SCFD2: variants seen among roughly 807,000 people sequenced by gnomAD.
SCFD2 encodes sec1 family domain containing 2, also known as sec1 family domain-containing protein 2.
Under a neutral mutation model 58.9 loss-of-function variants are expected in SCFD2, and 54 were observed. The ratio of observed to expected loss-of-function variants is 0.92; its 90% confidence interval spans 0.74 to 1.15. The LOEUF (loss-of-function observed/expected upper bound fraction) is 1.15. Among genes scored for constraint, SCFD2 ranks in the 50% most tolerant of loss-of-function variants. SCFD2 has a pLI of 0.00. For synonymous variants in SCFD2, 321 were observed against 335.9 expected, an observed-to-expected ratio of 0.96 and a Z score of 0.49; for missense variants, 805 against 836.6, an observed-to-expected ratio of 0.96 and a Z score of 0.47.
intron 4 of SCFD2, among the ~76,000 whole-genome samples, chr4:53,271,061 G>A (rs4864453): frequency 0.12 from 17,800 of 151,638 alleles, 1,181 homozygotes; most frequent in East Asian, 0.22. Flanking sequence ...TTGCCTTGAT[G>A]GAAAAAATAC....
rs191830213 is a variant in SCFD2 at position 53,117,180 on chromosome 4, C to T, written c.1561+28153G>A. Among the ~76,000 whole-genome samples, 7 of 152,276 alleles carry T rather than the reference C, an allele frequency of 4.6e-5. No homozygotes were observed. In the East Asian group the frequency reaches 1.4e-3, roughly 29 times the overall value. Reference sequence around the variant, plus strand: ...TCCTATCAAGCTGCTGTGCCCCACCCCAGGAGAGCTGAACACAGGAGTAGC... The same window carrying T: ...TCCTATCAAGCTGCTGTGCCCCACCTCAGGAGAGCTGAACACAGGAGTAGC... On this transcript the variant is annotated intron_variant, in intron 5 of 8. Coordinates refer to ENST00000401642, the MANE Select transcript of SCFD2 (RefSeq NM_152540.4).
At chr4:53,333,475 A>T (rs1194247589) in intron 2 of SCFD2, among the ~76,000 whole-genome samples, 1 of 148,012 alleles carries the variant, frequency 6.8e-6, no homozygotes, top group Non-Finnish European at 1.5e-5. Flanking sequence ...TCTTTGACAA[A>T]CCTGAGAAAA....
chr4:53,178,894 G>C (rs1414935728), intron 4 of SCFD2, among the ~76,000 whole-genome samples: 5 of 152,182 alleles, frequency 3.3e-5, no homozygotes, highest in Non-Finnish European at 7.3e-5. Context: ...GGAAGACAGG[G>C]TATCAGTGAT....
At chr4:53,178,275 C>T (rs1428490101) in intron 4 of SCFD2, among the ~76,000 whole-genome samples, 1 of 152,206 alleles carries the variant, frequency 6.6e-6, no homozygotes, top group Non-Finnish European at 1.5e-5. Context: ...ACACCTCACA[C>T]AGCCGGGTAC....
At chr4:53,351,041 T>A (rs1734204210) in intron 2 of SCFD2, among the ~76,000 whole-genome samples, 1 of 152,228 alleles carries the variant, frequency 6.6e-6, no homozygotes, top group South Asian at 2.1e-4. Flanking sequence ...CATTTCTAGC[T>A]CTACCTCCCA....
chr4:53,298,461 G>A (rs999229364), intron 3 of SCFD2, among the ~76,000 whole-genome samples: 1 of 152,232 alleles, frequency 6.6e-6, no homozygotes, highest in East Asian at 1.9e-4. Flanking sequence ...CTCGAACTGG[G>A]TGGAGCCCAA....
chr4:53,097,716 C>T (rs1273678346), intron 5 of SCFD2, among the ~76,000 whole-genome samples: 2 of 152,120 alleles, frequency 1.3e-5, no homozygotes, highest in African/African-American at 4.8e-5. Flanking sequence ...TTTCTTTCTC[C>T]TGCCTGATTG....
At chr4:53,330,776 C>A (rs961424813) in intron 2 of SCFD2, among the ~76,000 whole-genome samples, 2 of 152,010 alleles carry the variant, frequency 1.3e-5, no homozygotes, top group Admixed American at 1.3e-4. Context: ...GGACTAAATG[C>A]TCCAATTAAA....
chr4:53,288,636 G>A (rs1328732141), intron 3 of SCFD2, among the ~76,000 whole-genome samples: 1 of 152,112 alleles, frequency 6.6e-6, no homozygotes, highest in Non-Finnish European at 1.5e-5. Flanking sequence ...CGTTAGTGAA[G>A]AATACTACAC....
chr4:52,941,997 T>C (rs1720305359), intron 5 of SCFD2, among the ~76,000 whole-genome samples: 1 of 152,216 alleles, frequency 6.6e-6, no homozygotes, highest in Non-Finnish European at 1.5e-5. Context: ...TGGAGCATAT[T>C]GAATTTAGGT....
chr4:53,209,951 G>A (rs1728556894), intron 4 of SCFD2, among the ~76,000 whole-genome samples: 1 of 152,004 alleles, frequency 6.6e-6, no homozygotes, highest in Admixed American at 6.5e-5. Flanking sequence ...AAAAGTTGAT[G>A]TATGTATGAA....
intron 5 of SCFD2, among the ~76,000 whole-genome samples, chr4:53,103,620 G>A (rs1286246014): frequency 2.0e-5 from 3 of 148,798 alleles, no homozygotes; most frequent in Non-Finnish European, 4.5e-5. Flanking sequence ...TGACATTCCA[G>A]TAGCAATGAG....
chr4:53,209,583 C>T (rs940518294), intron 4 of SCFD2, among the ~76,000 whole-genome samples: 5 of 152,002 alleles, frequency 3.3e-5, no homozygotes, highest in Non-Finnish European at 7.3e-5. Context: ...CGGATACATG[C>T]CCTCACTGTG....
At chr4:53,067,685 C>T (rs749682177) in intron 5 of SCFD2, among the ~76,000 whole-genome samples, 3 of 152,038 alleles carry the variant, frequency 2.0e-5, no homozygotes, top group Non-Finnish European at 2.9e-5. Context: ...TCCCCTTCTG[C>T]CATGATTGTA....
chr4:52,997,621 C>G (rs1471612403), intron 5 of SCFD2, among the ~76,000 whole-genome samples: 2 of 152,134 alleles, frequency 1.3e-5, no homozygotes, highest in African/African-American at 4.8e-5. Flanking sequence ...GGTAAAGCAT[C>G]AAAAAGGCCA....
At chr4:52,902,244 C>T (rs985611089) in intron 7 of SCFD2, among the ~76,000 whole-genome samples, 5 of 152,206 alleles carry the variant, frequency 3.3e-5, no homozygotes, top group Non-Finnish European at 7.3e-5. Flanking sequence ...TGGCTCCCTA[C>T]AGTTTGCCCC....
chr4:53,005,366 G>C (rs1347646125), intron 5 of SCFD2, among the ~76,000 whole-genome samples: 1 of 152,166 alleles, frequency 6.6e-6, no homozygotes, highest in Non-Finnish European at 1.5e-5. Flanking sequence ...GAAAGCCCCT[G>C]GCTTGCCTCC....
chr4:52,943,325 G>A (rs976800320), intron 5 of SCFD2, among the ~76,000 whole-genome samples: 1 of 152,166 alleles, frequency 6.6e-6, no homozygotes, highest in Non-Finnish European at 1.5e-5. Flanking sequence ...AGTTTGTTCT[G>A]TGCTGCTATA....
chr4:52,944,768 TGAG>T (rs951577538), intron 5 of SCFD2, among the ~76,000 whole-genome samples: 1 of 152,192 alleles, frequency 6.6e-6, no homozygotes, highest in African/African-American at 2.4e-5. Context: ...GACATCCCTC[TGAG>T]GAGAGCTATA....
Sources: gnomAD v4.1 joint callset for allele counts (sites outside exome capture counted in the v4.1 genomes callset) on GRCh38, gnomAD v4.1.1 for gene constraint, MANE v1.5 for transcripts, NCBI Gene and HGNC (gene_info 2026-07-23, HGNC 2026-07-21) for gene names.